MAP4K5: variants seen among roughly 807,000 people sequenced by gnomAD.
MAP4K5 encodes MAPK/ERK kinase kinase kinase 5.
Under a neutral mutation model 135.6 loss-of-function variants are expected in MAP4K5, and 82 were observed. That is an observed-to-expected ratio of 0.60 (90% confidence interval 0.51 to 0.73). The LOEUF is 0.73. Ranked by LOEUF, MAP4K5 falls within the 30% of genes least tolerant of loss-of-function variation. The pLI is 0.00. For missense variants in MAP4K5, 907 were observed against 1,010.9 expected, an observed-to-expected ratio of 0.90 and a Z score of 1.39; for synonymous variants, 347 against 335.0, an observed-to-expected ratio of 1.04 and a Z score of -0.39.
chr14:50,450,363 T>G (rs936336504), intron 14 of MAP4K5: 20 of 152,278 alleles, frequency 1.3e-4, no homozygotes, highest in African/African-American at 4.3e-4. Context: ...TTGGAGGCAA[T>G]GCACCACAGA....
chr14:50,473,864 C>T (rs1174559173), intron 9 of MAP4K5, among the ~76,000 whole-genome samples: 6 of 151,952 alleles, frequency 3.9e-5, no homozygotes, highest in East Asian at 1.9e-4. Flanking sequence ...GCTGGGACTA[C>T]AGGCACCTGC....
intron 6 of MAP4K5, among the ~76,000 whole-genome samples, chr14:50,477,678 T>A (rs560858986): frequency 2.6e-5 from 4 of 152,300 alleles, no homozygotes; most frequent in East Asian, 3.9e-4. Flanking sequence ...AACTTTTTTT[T>A]ATCAGGAATG....
intron 1 of MAP4K5, among the ~76,000 whole-genome samples, chr14:50,552,823 A>T (rs887954395): frequency 5.9e-5 from 9 of 152,324 alleles, no homozygotes; most frequent in African/African-American, 2.2e-4. Flanking sequence ...GTAGAATGAA[A>T]CTGGATCCTC....
intron 1 of MAP4K5, chr14:50,560,226 G>T (rs750574546): frequency 1.9e-6 from 3 of 1,612,252 alleles, no homozygotes; most frequent in Admixed American, 1.7e-5. Flanking sequence ...GGCAGCGAGC[G>T]CAGTGACAGC....
chr14:50,560,786 G>T (rs2038832325), intron 1 of MAP4K5, among the ~76,000 whole-genome samples: 1 of 152,176 alleles, frequency 6.6e-6, no homozygotes, highest in Non-Finnish European at 1.5e-5. Context: ...CCGGCGGCGG[G>T]CGGCGGGCGG....
In MAP4K5 at chr14:50,419,078, A is replaced by G. The variant is rs961308473; in HGVS notation, c.*941T>C. 6.6e-6 allele frequency: 1 copy of G among 152,184 alleles called. No homozygotes were observed. The highest frequency in any genetic ancestry group is 1.5e-5 in the Non-Finnish European group (1 of 67,998). 9.4% of individuals were successfully genotyped at this position (152,184 alleles called of 1,614,324 possible). On this transcript the variant is annotated 3_prime_UTR_variant, in exon 33 of 33. Coordinates refer to ENST00000682126, the MANE Select transcript of MAP4K5 (RefSeq NM_006575.6). ...ATAGTTTCCTCTCTGGCATAGTATA[A>G]GTAAAATACATATCATGGGCAATTA...
At chr14:50,424,112 C>T (rs1268417950) in intron 31 of MAP4K5, among the ~76,000 whole-genome samples, 1 of 150,378 alleles carries the variant, frequency 6.6e-6, no homozygotes, top group Non-Finnish European at 1.5e-5. Context: ...GAGTCCTTGT[C>T]TTAGGGTCTA....
intron 9 of MAP4K5, among the ~76,000 whole-genome samples, chr14:50,474,791 G>C (rs2037058769): frequency 6.6e-6 from 1 of 152,048 alleles, no homozygotes; most frequent in Admixed American, 6.6e-5. Context: ...CAGAAGAAAG[G>C]GTAAGAAAAT....
chr14:50,457,272 T>A (rs2139783950), intron 13 of MAP4K5, among the ~76,000 whole-genome samples: 1 of 152,250 alleles, frequency 6.6e-6, no homozygotes, highest in Non-Finnish European at 1.5e-5. Context: ...TTTGGAGACT[T>A]TACAGCAAGG....
intron 3 of MAP4K5, among the ~76,000 whole-genome samples, chr14:50,486,595 T>C (rs998191513): frequency 2.6e-5 from 4 of 152,194 alleles, no homozygotes; most frequent in Admixed American, 1.3e-4. Context: ...TCTTCCTTTT[T>C]GGTCTGTATT....
chr14:50,499,226 A>AG (rs2037656454), intron 3 of MAP4K5, among the ~76,000 whole-genome samples: 1 of 152,204 alleles, frequency 6.6e-6, no homozygotes, highest in Non-Finnish European at 1.5e-5. Context: ...GGGATATGAA[A>AG]GGGGGAAAAA....
At chr14:50,471,512 A>G (rs2036961762) in intron 9 of MAP4K5, among the ~76,000 whole-genome samples, 1 of 152,162 alleles carries the variant, frequency 6.6e-6, no homozygotes, top group African/African-American at 2.4e-5. Context: ...AACAGAAGAA[A>G]TCTGGTAAAT....
chr14:50,510,547 T>C (rs1388163433), intron 2 of MAP4K5, among the ~76,000 whole-genome samples: 1 of 152,204 alleles, frequency 6.6e-6, no homozygotes, highest in African/African-American at 2.4e-5. Context: ...AGGAAGGTTA[T>C]TGCTCTCTTA....
intron 10 of MAP4K5, among the ~76,000 whole-genome samples, chr14:50,467,757 T>C (rs1008630645): frequency 6.6e-6 from 1 of 152,160 alleles, no homozygotes; most frequent in African/African-American, 2.4e-5. Flanking sequence ...TCTGTACTTA[T>C]CAGCATTCTA....
At chr14:50,463,293 C>T (rs558642240) in intron 12 of MAP4K5, among the ~76,000 whole-genome samples, 3 of 152,274 alleles carry the variant, frequency 2.0e-5, no homozygotes, top group Admixed American at 2.0e-4. Flanking sequence ...GTTTTATACA[C>T]ACACATATGC....
At chr14:50,536,108 G>A (rs957600890), upstream of MAP4K5, among the ~76,000 whole-genome samples, 4 of 152,148 alleles carry the variant, frequency 2.6e-5, no homozygotes, top group Admixed American at 6.5e-5. Flanking sequence ...TAGATTGCCC[G>A]GTCTCAGGTT....
At chr14:50,527,699 T>C (rs2038296194) in intron 2 of MAP4K5, among the ~76,000 whole-genome samples, 1 of 152,074 alleles carries the variant, frequency 6.6e-6, no homozygotes, top group Non-Finnish European at 1.5e-5. Flanking sequence ...GAGACATCTG[T>C]TTCTGTCCCC....
At chr14:50,429,811 T>C (rs1230872720) in intron 28 of MAP4K5, among the ~76,000 whole-genome samples, 1 of 152,144 alleles carries the variant, frequency 6.6e-6, no homozygotes, top group Non-Finnish European at 1.5e-5. Context: ...TGAACAATAT[T>C]GTCAAGAACA....
intron 13 of MAP4K5, among the ~76,000 whole-genome samples, chr14:50,458,733 G>A (rs1272556474): frequency 6.6e-6 from 1 of 152,036 alleles, no homozygotes; most frequent in African/African-American, 2.4e-5. Context: ...TTGGGTGATC[G>A]ATCACATTTA....
Sources: gnomAD v4.1 joint callset for allele counts (sites outside exome capture counted in the v4.1 genomes callset) on GRCh38, gnomAD v4.1.1 for gene constraint, MANE v1.5 for transcripts, NCBI Gene and HGNC (gene_info 2026-07-23, HGNC 2026-07-21) for gene names.